Variants in SLCO1C1 observed in about 807,000 individuals in gnomAD.
The protein encoded by SLCO1C1 is solute carrier organic anion transporter family member 1C1, also known as OAT-RP-5.
SLCO1C1 carries 70 observed loss-of-function variants against 76.4 expected under a neutral mutation model. The observed-to-expected ratio is 0.92, with a 90% confidence interval of 0.76 to 1.12. The LOEUF is 1.12. SLCO1C1 is among the 50% of genes most tolerant of loss of function. SLCO1C1 has a pLI of 0.00. For missense variants in SLCO1C1, 912 were observed against 823.8 expected, an observed-to-expected ratio of 1.11 and a Z score of -1.31; for synonymous variants, 306 against 286.1, an observed-to-expected ratio of 1.07 and a Z score of -0.70.
chr12:20,733,525 A>C (rs1297301607), intron 10 of SLCO1C1, among the ~76,000 whole-genome samples: 1 of 152,216 alleles, frequency 6.6e-6, no homozygotes, highest in African/African-American at 2.4e-5. Context: ...AAGCTAACAT[A>C]CATGAAAGTG....
chr12:20,751,196 C>G (rs1255536036), intron 14 of SLCO1C1, among the ~76,000 whole-genome samples: 1 of 152,004 alleles, frequency 6.6e-6, no homozygotes, highest in African/African-American at 2.4e-5. Flanking sequence ...ATATAATACC[C>G]CTGGGCAAGA....
At chr12:20,749,577 T>C (rs1949199209) in intron 13 of SLCO1C1, among the ~76,000 whole-genome samples, 1 of 152,206 alleles carries the variant, frequency 6.6e-6, no homozygotes, top group African/African-American at 2.4e-5. Context: ...ACCACCAATT[T>C]AGAACATATA....
At chr12:20,736,162 G>A (rs1373353207) in intron 10 of SLCO1C1, among the ~76,000 whole-genome samples, 1 of 151,720 alleles carries the variant, frequency 6.6e-6, no homozygotes, top group Non-Finnish European at 1.5e-5. Flanking sequence ...CAAAAAAAAG[G>A]ATAAAAGCAG....
chr12:20,715,083 A>T, intron 5 of SLCO1C1, 56 bp from the exon 6 acceptor site: 1 of 1,602,076 alleles, frequency 6.2e-7, no homozygotes, highest in Non-Finnish European at 8.5e-7. Context: ...TGCAGAATAA[A>T]TACTTAACTT....
chr12:20,726,464 ATTCT>A, intron 9 of SLCO1C1, among the ~76,000 whole-genome samples: 2 of 152,218 alleles, frequency 1.3e-5, no homozygotes, highest in South Asian at 4.1e-4. Context: ...TGTTAGCCAC[ATTCT>A]TTCTAAAGTT....
chr12:20,726,501 G>C (rs142707626), intron 9 of SLCO1C1, among the ~76,000 whole-genome samples: 1 of 151,902 alleles, frequency 6.6e-6, no homozygotes, highest in African/African-American at 2.4e-5. Context: ...TTTTTCTCAA[G>C]TTAATTACTT....
Position 20,740,480 on chromosome 12 carries a change from C to G in SLCO1C1, c.1733+112C>G. The G allele has an allele frequency of 3.2e-6, 3 of 930,004 alleles. No homozygotes were observed. The South Asian group carries it at 4.9e-5, about 15-fold the overall frequency. The allele number at this position is 930,004 out of a possible 1,614,324, so 57.6% of individuals were successfully genotyped here. ...GATTCCTCTTAGTTTTTTCAAGAAACTTGTCCCACATCCTTGTTTCACTTT... is the reference window on the plus strand; with the variant it reads ...GATTCCTCTTAGTTTTTTCAAGAAAGTTGTCCCACATCCTTGTTTCACTTT... On this transcript the variant is annotated intron_variant, in intron 12 of 14. Coordinates refer to ENST00000266509, the MANE Select transcript of SLCO1C1 (RefSeq NM_017435.5).
chr12:20,748,541 A>G (rs966758720), intron 13 of SLCO1C1, among the ~76,000 whole-genome samples: 1 of 152,190 alleles, frequency 6.6e-6, no homozygotes, highest in Admixed American at 6.5e-5. Flanking sequence ...TCTATCTAAT[A>G]TAATCCCTCA....
chr12:20,717,330 A>C, intron 7 of SLCO1C1, 100 bp downstream of exon 7: 1 of 903,916 alleles, frequency 1.1e-6, no homozygotes, highest in Non-Finnish European at 1.6e-6. Flanking sequence ...TTATAAAATG[A>C]TGGAGTTGTA....
At chr12:20,700,091 T>A (rs78458381) in intron 2 of SLCO1C1, 84,199 of 151,806 alleles carry the variant, frequency 0.55, 24,008 homozygotes, top group East Asian at 0.74. Context: ...AGAGTTGCTT[T>A]TTTTTTTTTT....
chr12:20,730,173 A>G (rs1263214108), intron 9 of SLCO1C1, among the ~76,000 whole-genome samples: 1 of 152,194 alleles, frequency 6.6e-6, no homozygotes, highest in African/African-American at 2.4e-5. Flanking sequence ...GGTTTTCAGA[A>G]GATACTTTAT....
At chr12:20,721,589 G>A (rs541218110) in intron 7 of SLCO1C1, among the ~76,000 whole-genome samples, 1 of 151,870 alleles carries the variant, frequency 6.6e-6, no homozygotes, top group South Asian at 2.1e-4. Flanking sequence ...ATTCTGTATT[G>A]TGAAATTCAC....
At chr12:20,717,047 A>T in intron 6 of SLCO1C1, 85 bp from the exon 7 acceptor site, 1 of 1,208,734 alleles carries the variant, frequency 8.3e-7, no homozygotes, top group Non-Finnish European at 1.2e-6. Context: ...TGACTGGATC[A>T]CACATTTCTT....
chr12:20,723,190 G>T lies in SLCO1C1; in HGVS notation c.1122G>T (p.Thr374=). 6.2e-7 allele frequency: 1 copy of T among 1,614,040 alleles called. No homozygotes were observed. Among genetic ancestry groups the T allele is most frequent in the Non-Finnish European group, 8.5e-7 (1 of 1,179,998 alleles). The change falls in exon 9 of 15, where the codon ACG becomes ACT. Residue 374 remains threonine (T), a synonymous_variant. Coordinates refer to ENST00000266509, the MANE Select transcript of SLCO1C1 (RefSeq NM_017435.5). ...VQFNSLFGMV[T]YKPKYIEQQY... ...TCAATTCTCTGTTCGGCATGGTGAC[G>T]TACAAACCAAAGTACATTGAGCAGC...
At chr12:20,720,997 C>CAAAA (rs35297084) in intron 7 of SLCO1C1, among the ~76,000 whole-genome samples, 19 of 43,918 alleles carry the variant, frequency 4.3e-4, no homozygotes, top group African/African-American at 7.5e-4. Flanking sequence ...AACTCCATCT[C>CAAAA]AAAAAAAAAA....
chr12:20,697,284 A>G (rs1391945198), intron 1 of SLCO1C1: 1 of 152,078 alleles, frequency 6.6e-6, no homozygotes, highest in Non-Finnish European at 1.5e-5. Context: ...CAGAAGGCCA[A>G]TTTGAATTAT....
chr12:20,696,722 C>A (rs1946284267), intron 1 of SLCO1C1: 1 of 152,090 alleles, frequency 6.6e-6, no homozygotes, highest in Non-Finnish European at 1.5e-5. Context: ...TTCTGAATAA[C>A]TGTGTACTCT....
intron 11 of SLCO1C1, among the ~76,000 whole-genome samples, chr12:20,739,196 G>T (rs1948685170): frequency 6.6e-6 from 1 of 152,072 alleles, no homozygotes; most frequent in African/African-American, 2.4e-5. Context: ...TTTATCAAAT[G>T]CCTAAAATGA....
chr12:20,715,667 TTTGATAAGCC>T (rs1947330426), intron 6 of SLCO1C1, among the ~76,000 whole-genome samples: 1 of 151,536 alleles, frequency 6.6e-6, no homozygotes, highest in African/African-American at 2.4e-5. Context: ...TAGCTTTCCA[TTTGATAAGCC>T]TTGATAAGCG....
Sources: gnomAD v4.1 joint callset for allele counts (sites outside exome capture counted in the v4.1 genomes callset) on GRCh38, gnomAD v4.1.1 for gene constraint, MANE v1.5 for transcripts, NCBI Gene and HGNC (gene_info 2026-07-23, HGNC 2026-07-21) for gene names.